The following ZNF792 variants were observed in gnomAD, a reference collection of about 807,000 sequenced individuals.
The protein encoded by ZNF792 is zinc finger protein 792.
In ZNF792, 14 loss-of-function variants were observed where a neutral mutation model predicts 13.1. The ratio of observed to expected loss-of-function variants is 1.07; its 90% CI spans 0.71 to 1.67. The LOEUF (loss-of-function observed/expected upper bound fraction) is 1.67. Among genes scored for constraint, ZNF792 ranks in the 40% most tolerant of loss-of-function variants. The pLI, the probability that ZNF792 is intolerant of heterozygous loss-of-function variation, is 0.00. For missense variants in ZNF792, 740 were observed against 807.9 expected (o/e 0.92, Z 1.02); for synonymous variants, 257 against 292.0 (o/e 0.88, Z 1.22).
intron 1 of ZNF792, among the ~76,000 whole-genome samples, chr19:34,961,581 G>A (rs527482925): frequency 6.6e-6 from 1 of 152,206 alleles, no homozygotes; most frequent in African/African-American, 2.4e-5. Flanking sequence ...GAGAGGGAGC[G>A]CTCCACCCTT....
chr19:34,958,506 T>A lies in ZNF792; in HGVS notation c.1349A>T (p.His450Leu). Reference sequence around the variant, plus strand: ...GGCTTTCCCACACTCACCACACCCGTGAGGCCGCTCGCCAGTGTGAACTAT... The same window carrying A: ...GGCTTTCCCACACTCACCACACCCGAGAGGCCGCTCGCCAGTGTGAACTAT... Reference protein sequence around the residue: ...HQIVHTGERPHGCGECGKAFS... With the variant: ...HQIVHTGERPLGCGECGKAFS... Residue 450 changes from histidine (H) to leucine (L), a missense_variant, in exon 4 of 4, where the codon CAC (histidine) becomes CTC (leucine). Transcript: ENST00000404801. 6.3e-7 allele frequency: 1 copy of A among 1,591,946 alleles called. No individual in the cohort carries two copies. The highest frequency in any genetic ancestry group is 8.6e-7 in the Non-Finnish European group (1 of 1,167,920).
At chr19:34,962,490 G>A (rs1490589181) in intron 1 of ZNF792, among the ~76,000 whole-genome samples, 2 of 152,154 alleles carry the variant, frequency 1.3e-5, no homozygotes, top group African/African-American at 4.8e-5. Flanking sequence ...CAAAAATGAG[G>A]AAAGCTGTCT....
rs1215729125 is a variant in ZNF792, at chr19:34,964,086, T to C, written c.-424A>G. ...CCTGCGAGGCTGCAGTGCAGGAAGT[T>C]CCGGCCCCCACCGTGGCGGCCGGGA... On this transcript the variant is annotated 5_prime_UTR_variant, in exon 1 of 4. Transcript: ENST00000404801. 1 of 174,532 alleles carries C rather than the reference T, an allele frequency of 5.7e-6. No individual in the cohort carries two copies. The highest frequency in any genetic ancestry group is 1.5e-4 in the East Asian group (1 of 6,636). The allele number at this position is 174,532 out of a possible 1,614,324, so 10.8% of individuals were successfully genotyped here.
chr19:34,962,476 G>A (rs989354364), intron 1 of ZNF792, among the ~76,000 whole-genome samples: 2 of 152,126 alleles, frequency 1.3e-5, no homozygotes, highest in Admixed American at 6.5e-5. Context: ...ATCAGAAGCA[G>A]GAGCAAAAAT....
Position 34,957,590 on chromosome 19 carries a change from T to G in ZNF792, c.*366A>C. Reference sequence around the variant, plus strand: ...AGGCTGGACAAATCCTTCACAGGCATAACATGAGACCAACAATGTCCCAGA... The same window carrying G: ...AGGCTGGACAAATCCTTCACAGGCAGAACATGAGACCAACAATGTCCCAGA... On this transcript the variant is annotated 3_prime_UTR_variant, in exon 4 of 4. Transcript: ENST00000404801. 1 of 216,874 alleles carries G rather than the reference T, an allele frequency of 4.6e-6. No homozygotes were observed. 13.4% of individuals were successfully genotyped at this position (216,874 alleles called of 1,614,324 possible).
At chr19:34,963,047 C>CA (rs1475404050) in intron 1 of ZNF792, among the ~76,000 whole-genome samples, 20 of 152,296 alleles carry the variant, frequency 1.3e-4, no homozygotes, top group Admixed American at 1.2e-3. Flanking sequence ...CTGGTCCGGC[C>CA]AGCCGCAGCA....
Position 34,964,194 on chromosome 19 carries a change from C to G in ZNF792, c.-532G>C, listed in dbSNP as rs1449581867. On this transcript the variant is annotated 5_prime_UTR_variant, in exon 1 of 4. Coordinates refer to ENST00000404801, the MANE Select transcript of ZNF792 (RefSeq NM_175872.5). ...GGCCTGGGGATCGCGAGTTTCTGCC[C>G]AGCCTCTCGTCAGGCTGAGGGTCCA... 2 of 153,584 alleles carry G rather than the reference C, an allele frequency of 1.3e-5. No individual in the cohort carries two copies. Among genetic ancestry groups the G allele is most frequent in the Non-Finnish European group, 2.9e-5 (2 of 69,130 alleles). 9.5% of individuals were successfully genotyped at this position (153,584 alleles called of 1,614,324 possible).
chr19:34,960,428 A>C, intron 2 of ZNF792, 71 bp from the exon 3 acceptor site: 5 of 1,557,212 alleles, frequency 3.2e-6, no homozygotes, highest in Non-Finnish European at 4.3e-6. Flanking sequence ...AGACTACAAG[A>C]CAGGAAGCTC....
chr19:34,960,840 G>A (rs1393559405), intron 2 of ZNF792, 28 bp downstream of exon 2: 2 of 1,613,728 alleles, frequency 1.2e-6, no homozygotes, highest in Admixed American at 1.7e-5. Context: ...AGGAGCTCGG[G>A]ACACCGGGGT....
Position 34,959,136 on chromosome 19 carries a change from G to C in ZNF792, c.719C>G (p.Ala240Gly). 1 of 1,613,768 alleles carries C rather than the reference G, an allele frequency of 6.2e-7. No individual in the cohort carries two copies. The highest frequency in any genetic ancestry group is 8.5e-7 in the Non-Finnish European group (1 of 1,179,684). Reference sequence around the variant, plus strand: ...GTGAAAATCCACCACACCTTCGGTGGCCTCGTGCGGCTCCCCATCGCTGGG... The same window carrying C: ...GTGAAAATCCACCACACCTTCGGTGCCCTCGTGCGGCTCCCCATCGCTGGG... ...VTPSDGEPHE[A>G]TEGVVDFHIA... The change falls in exon 4 of 4, where the codon GCC becomes GGC. Residue 240 changes from alanine to glycine, a missense_variant. Transcript: ENST00000404801.
rs776750139 is a variant in ZNF792, at chr19:34,963,641, C to G, written c.22G>C (p.Asp8His). 1.2e-6 allele frequency: 2 copies of G among 1,602,400 alleles called. No individual in the cohort carries two copies. The highest frequency in any genetic ancestry group is 1.7e-6 in the Non-Finnish European group (2 of 1,175,584). Residue 8 changes from aspartate to histidine, a missense_variant, in exon 1 of 4, where the codon GAC (aspartate) becomes CAC (histidine). Transcript: ENST00000404801. Reference protein sequence around the residue: MAAAALRDPAQGCVTFED... With the variant: MAAAALRHPAQGCVTFED... ...GTCCAAGCACTCACCTGCGCGGGGT[C>G]CCGCAGCGCCGCCGCTGCCATCGGA...
chr19:34,963,516 G>GC (rs2013558087), intron 1 of ZNF792, 114 bp downstream of exon 1: 7 of 1,463,760 alleles, frequency 4.8e-6, no homozygotes, highest in Non-Finnish European at 6.6e-6. Context: ...TGACTCAAAA[G>GC]CAAGGAAATG....
rs1234973826 is a variant in ZNF792, at chr19:34,958,948, C to G, written c.907G>C (p.Val303Leu). The G allele has an allele frequency of 6.2e-7, 1 of 1,614,140 alleles. No homozygotes were observed. Among genetic ancestry groups the G allele is most frequent in the East Asian group, 2.2e-5 (1 of 44,890 alleles). ...TCATACGGTTTTCCTCTATTGTGAA[C>G]TTTCTGGTGTTGAGTGAGGTCAGCG... The part of the protein sequence containing the change: ...YAADLTQHQK[V>L]HNRGKPYECC... Residue 303 changes from valine to leucine, a missense_variant, in exon 4 of 4, where the codon GTT becomes CTT. Transcript: ENST00000404801.
In ZNF792 at chr19:34,958,672, C is replaced by CA. The variant is rs2013475241; in HGVS notation, c.1182dup (p.Glu395Ter). On this transcript the variant is annotated frameshift_variant, in exon 4 of 4. Coordinates refer to ENST00000404801, the MANE Select transcript of ZNF792 (RefSeq NM_175872.5). LOFTEE classifies it low-confidence loss of function (END_TRUNC). The stretch of plus-strand genomic sequence containing the variant: ...AAAGATTTCCCACATTCACTGCACT[C>CA]ATGGGCACTTCTGCCCGTATGAACC... 1 of 1,614,082 alleles carries CA rather than the reference C, an allele frequency of 6.2e-7. No homozygotes were observed. Among genetic ancestry groups the CA allele is most frequent in the Non-Finnish European group, 8.5e-7 (1 of 1,180,030 alleles).
rs542559557 is a variant in ZNF792 at position 34,957,973 on chromosome 19, G to A, written c.1882C>T (p.Pro628Ser). 3 of 1,607,416 alleles carry A rather than the reference G, an allele frequency of 1.9e-6. No homozygotes were observed. Among genetic ancestry groups the A allele is most frequent in the Middle Eastern group, 3.3e-4 (2 of 6,028 alleles). ...KLKLVHPSTHPGEVP is the reference protein window; with the variant it reads ...KLKLVHPSTHSGEVP ...TAGCATTCCTAGGGAACCTCCCCAG[G>A]GTGGGTACTTGGATGAACAAGTTTC... is the stretch of plus-strand genomic sequence containing the variant. Residue 628 changes from proline (P) to serine (S), a missense_variant, in exon 4 of 4, where the codon CCT becomes TCT. Transcript: ENST00000404801.
In ZNF792 at chr19:34,957,789, C is replaced by T; in HGVS notation, c.*167G>A. 1.5e-6 allele frequency: 1 copy of T among 648,068 alleles called. No homozygotes were observed. Among genetic ancestry groups the T allele is most frequent in the Non-Finnish European group, 2.6e-6 (1 of 388,572 alleles). 40.1% of individuals were successfully genotyped at this position (648,068 alleles called of 1,614,324 possible). On this transcript the variant is annotated 3_prime_UTR_variant, in exon 4 of 4. Transcript: ENST00000404801. ...GGGATTGGAAAGAGAGAGGAGAGGT[C>T]TGCCTTCCCTGAGCACAGTGGAGTG...
Position 34,960,937 on chromosome 19 carries a change from G to T in ZNF792, c.91C>A (p.Leu31Ile). 2 of 1,614,008 alleles carry T rather than the reference G, an allele frequency of 1.2e-6. No homozygotes were observed. Among genetic ancestry groups the T allele is most frequent in the Non-Finnish European group, 1.7e-6 (2 of 1,179,948 alleles). ...IYFSQEEWVL[L>I]DEAQRLLYCD... ...TACAGGAGTCTCTGAGCCTCATCGAGGAGCACCCACTCCTCCTGGGAGAAG... is the reference window on the plus strand; with the variant it reads ...TACAGGAGTCTCTGAGCCTCATCGATGAGCACCCACTCCTCCTGGGAGAAG... The change falls in exon 2 of 4, where the codon CTC (leucine) becomes ATC (isoleucine). Residue 31 changes from leucine to isoleucine, a missense_variant. Physicochemically the swap from Leu to Ile is conservative, Grantham distance 5. Transcript: ENST00000404801.
At chr19:34,961,146 G>A (rs982504448) in intron 1 of ZNF792, among the ~76,000 whole-genome samples, 152 bp from the exon 2 acceptor site, 2 of 152,086 alleles carry the variant, frequency 1.3e-5, no homozygotes, top group Non-Finnish European at 2.9e-5. Context: ...GTGTCAGCCC[G>A]CAGCAGCAAC....
chr19:34,960,247 T>G lies in ZNF792; in HGVS notation c.271A>C (p.Arg91=). The part of the protein sequence containing the change: ...TSAMARGAYG[R]PGSDFCHGTE... ...CATCGCTGCTTACCAGAGCCAGGCCTGCCATAAGCCCCTCTGGCCATGGCT... is the reference window on the plus strand; with the variant it reads ...CATCGCTGCTTACCAGAGCCAGGCCGGCCATAAGCCCCTCTGGCCATGGCT... The change falls in exon 3 of 4, where the codon AGG becomes CGG. Residue 91 remains arginine (R), a synonymous_variant. Coordinates refer to ENST00000404801, the MANE Select transcript of ZNF792 (RefSeq NM_175872.5). The G allele has an allele frequency of 1.2e-6, 2 of 1,613,790 alleles. No homozygotes were observed. Among genetic ancestry groups the G allele is most frequent in the Non-Finnish European group, 1.7e-6 (2 of 1,179,712 alleles).
Sources: allele counts gnomAD v4.1 joint callset (sites outside exome capture counted in the v4.1 genomes callset), GRCh38; gene constraint gnomAD v4.1.1; transcripts MANE v1.5; gene names NCBI Gene and HGNC (gene_info 2026-07-23, HGNC 2026-07-21).